Variants in NR6A1 observed in about 807,000 individuals in gnomAD.
The protein encoded by NR6A1 is nuclear receptor subfamily 6 group A member 1.
NR6A1 carries 7 observed loss-of-function variants against 59.1 expected under a neutral mutation model. The observed-to-expected ratio is 0.12, with a 90% confidence interval of 0.07 to 0.22. The LOEUF (loss-of-function observed/expected upper bound fraction) is 0.22. Ranked by LOEUF, NR6A1 falls within the 10% of genes least tolerant of loss-of-function variation. NR6A1 has a pLI of 1.00. For missense variants in NR6A1, 468 were observed against 611.6 expected (o/e 0.77, Z 2.48); for synonymous variants, 243 against 236.1 (o/e 1.03, Z -0.27).
intron 2 of NR6A1, among the ~76,000 whole-genome samples, chr9:124,607,648 G>C (rs894152885): frequency 7.9e-5 from 12 of 152,142 alleles, no homozygotes; most frequent in Admixed American, 5.2e-4. Context: ...GTCTCTGTGA[G>C]AACTGAAAGA....
At position 124,761,810 on chromosome 9, in the gene NR6A1, C is replaced by T. The variant is rs376913798; in HGVS notation, c.100+9210G>A. 7.2e-5 allele frequency among the ~76,000 whole-genome samples: 11 copies of T among 152,158 alleles called. No homozygotes were observed. In the East Asian group the frequency reaches 1.7e-3, roughly 24 times the overall value. ...AATTCTGTTGTCAGATTTATTTCCA[C>T]AAATGTAAGTCTACCCTTGGTGAGG... is the stretch of plus-strand genomic sequence containing the variant. On this transcript the variant is annotated intron_variant, in intron 1 of 9. Transcript: ENST00000487099.
rs1210585905 is a variant in NR6A1, at chr9:124,524,824, T to C, written c.1251A>G (p.Arg417=). Residue 417 remains arginine (R), a synonymous_variant, in exon 9 of 10, where the codon CGA becomes CGG. Transcript: ENST00000487099. The part of the protein sequence containing the change: ...SASQLEQLNK[R]YWYICQDFTE... The stretch of plus-strand genomic sequence containing the variant: ...TAAAATCCTGGCAAATGTACCAGTA[T>C]CGTTTATTCAATTGTTCCAGCTGTG... 6.8e-6 allele frequency: 11 copies of C among 1,613,816 alleles called. No homozygotes were observed. The highest frequency in any genetic ancestry group is 8.5e-6 in the Non-Finnish European group (10 of 1,179,950).
rs540224812 is a variant in NR6A1, at chr9:124,663,327, T to A, written c.142+69981A>T. Among the ~76,000 whole-genome samples the A allele has an allele frequency of 6.0e-4, 91 of 152,340 alleles. 1 individual carries two copies. The South Asian group carries it at 0.018, about 30-fold the overall frequency. On this transcript the variant is annotated intron_variant, in intron 2 of 9. Coordinates refer to ENST00000487099, the MANE Select transcript of NR6A1 (RefSeq NM_033334.4). ...ATAAATTGGACGTGATAAACATGCA[T>A]GTGAGATTCTTAAATTCGGATGCCA...
At chr9:124,742,077 T>A (rs1451273670) in intron 1 of NR6A1, among the ~76,000 whole-genome samples, 1 of 152,184 alleles carries the variant, frequency 6.6e-6, no homozygotes, top group Admixed American at 6.5e-5. Flanking sequence ...TTGATTGGAA[T>A]CTCAGCAGGG....
chr9:124,765,639 C>T (rs531984038), intron 1 of NR6A1, among the ~76,000 whole-genome samples: 1 of 152,256 alleles, frequency 6.6e-6, no homozygotes, highest in Non-Finnish European at 1.5e-5. Flanking sequence ...AGCAATTCAG[C>T]TCCCCAGCAG....
chr9:124,685,372 T>G (rs1838299239), intron 2 of NR6A1, among the ~76,000 whole-genome samples: 1 of 152,214 alleles, frequency 6.6e-6, no homozygotes. Flanking sequence ...TCGCCCAGGC[T>G]GGAGTGCAGT....
At chr9:124,738,189 G>A (rs926517912) in intron 1 of NR6A1, among the ~76,000 whole-genome samples, 5 of 152,172 alleles carry the variant, frequency 3.3e-5, no homozygotes, top group African/African-American at 1.2e-4. Flanking sequence ...GGGAGGCGGA[G>A]GTTGCAGTGA....
chr9:124,526,919 T>G lies in NR6A1; in HGVS notation c.1080-19A>C. The stretch of plus-strand genomic sequence containing the variant: ...ACTAAATCTGAGGAACAGACACAGG[T>G]GTTAACAGTTGGCTGTGACACCAGT... On this transcript the variant is annotated intron_variant, in intron 7 of 9. Transcript: ENST00000487099. 2 of 1,613,134 alleles carry G rather than the reference T, an allele frequency of 1.2e-6. No homozygotes were observed. Among genetic ancestry groups the G allele is most frequent in the Non-Finnish European group, 1.7e-6 (2 of 1,179,402 alleles).
chr9:124,640,052 T>A (rs921677768), intron 2 of NR6A1, among the ~76,000 whole-genome samples: 5 of 152,096 alleles, frequency 3.3e-5, no homozygotes, highest in Non-Finnish European at 5.9e-5. Context: ...AAAAAGAAAT[T>A]AAGTGGAAAT....
intron 2 of NR6A1, among the ~76,000 whole-genome samples, chr9:124,560,255 T>C (rs1371870688): frequency 6.6e-6 from 1 of 152,256 alleles, no homozygotes; most frequent in Non-Finnish European, 1.5e-5. Context: ...TATTCCATTC[T>C]TGGGAAGCAG....
intron 1 of NR6A1, among the ~76,000 whole-genome samples, chr9:124,738,830 C>T (rs575426436): frequency 1.3e-5 from 2 of 152,084 alleles, no homozygotes; most frequent in South Asian, 4.2e-4. Flanking sequence ...TAGTGAAACC[C>T]CATCTCTACT....
At chr9:124,604,322 C>A (rs913155067) in intron 2 of NR6A1, among the ~76,000 whole-genome samples, 1 of 152,054 alleles carries the variant, frequency 6.6e-6, no homozygotes, top group Non-Finnish European at 1.5e-5. Context: ...TCTCTGGCCC[C>A]CCTGTTCAGT....
rs75668236 is a variant in NR6A1, at chr9:124,695,310, C to T, written c.142+37998G>A. On this transcript the variant is annotated intron_variant, in intron 2 of 9. Transcript: ENST00000487099. ...ATGGAAATGAATGGATTTGGATTTA[C>T]GCTATCTAAAAAACTAAAACCTACC... 0.01 allele frequency among the ~76,000 whole-genome samples: 1,534 copies of T among 152,278 alleles called. 67 individuals carry two copies. The East Asian group carries it at 0.15, about 15-fold the overall frequency.
chr9:124,654,575 G>A (rs1837193921), intron 2 of NR6A1, among the ~76,000 whole-genome samples: 1 of 151,964 alleles, frequency 6.6e-6, no homozygotes, highest in Non-Finnish European at 1.5e-5. Context: ...GCTCTTTGTA[G>A]GCTGAGGTTC....
intron 8 of NR6A1, 82 bp downstream of exon 8, chr9:124,526,697 A>G (rs1001357639): frequency 5.1e-6 from 8 of 1,575,846 alleles, no homozygotes; most frequent in Non-Finnish European, 6.9e-6. Flanking sequence ...CCTGAGGGTA[A>G]GGAGGGGTGA....
At chr9:124,556,928 G>A (rs911437621) in intron 2 of NR6A1, among the ~76,000 whole-genome samples, 1 of 151,610 alleles carries the variant, frequency 6.6e-6, no homozygotes, top group Non-Finnish European at 1.5e-5. Context: ...AAGTCAGCTG[G>A]CAAACAGCAG....
chr9:124,691,645 CTG>C (rs1468647918), intron 2 of NR6A1, among the ~76,000 whole-genome samples: 1 of 152,160 alleles, frequency 6.6e-6, no homozygotes, highest in East Asian at 1.9e-4. Flanking sequence ...TAGTTACACT[CTG>C]TGTTCTCAAC....
chr9:124,530,275 G>T (rs1277078315), intron 7 of NR6A1, among the ~76,000 whole-genome samples: 1 of 152,092 alleles, frequency 6.6e-6, no homozygotes, highest in Non-Finnish European at 1.5e-5. Context: ...CAGCAGTGAT[G>T]GGGGCTGGCA....
At chr9:124,589,894 G>A (rs560695197) in intron 2 of NR6A1, among the ~76,000 whole-genome samples, 4 of 151,620 alleles carry the variant, frequency 2.6e-5, no homozygotes, top group Admixed American at 6.6e-5. Flanking sequence ...GTGAAATCCC[G>A]TCTCTACTAA....
Sources: gnomAD v4.1 joint callset for allele counts (sites outside exome capture counted in the v4.1 genomes callset) on GRCh38, gnomAD v4.1.1 for gene constraint, MANE v1.5 for transcripts, NCBI Gene and HGNC (gene_info 2026-07-23, HGNC 2026-07-21) for gene names.